MLPH: variants seen among roughly 807,000 people sequenced by gnomAD.
MLPH encodes exophilin-3.
A neutral mutation model predicts 72.1 loss-of-function variants in MLPH; 51 were observed. That is an observed-to-expected ratio of 0.71 (90% CI 0.56 to 0.89). MLPH has a LOEUF of 0.89. Ranked by LOEUF, MLPH falls within the 40% of genes least tolerant of loss-of-function variation. The probability of loss-of-function intolerance (pLI) is 0.00; values close to 1 mark genes in which losing one functional copy is unlikely to be tolerated. For synonymous variants in MLPH, 301 were observed against 310.1 expected, an observed-to-expected ratio of 0.97 and a Z score of 0.31; for missense variants, 743 against 759.9, an observed-to-expected ratio of 0.98 and a Z score of 0.26.
Position 237,525,587 on chromosome 2 carries a change from C to T in MLPH, c.676-14C>T, listed in dbSNP as rs1211727724. 1 of 1,613,630 alleles carries T rather than the reference C, an allele frequency of 6.2e-7. No homozygotes were observed. The highest frequency in any genetic ancestry group is 1.3e-5 in the African/African-American group (1 of 74,918). On this transcript the variant is annotated splice_polypyrimidine_tract_variant and intron_variant, in intron 6 of 15. Transcript: ENST00000264605. ...TAAACCCTGCAGAGGAGGCTGACAG[C>T]CCCATGTGCTTAGTCCCTCACAGAT... is the stretch of plus-strand genomic sequence containing the variant.
At chr2:237,518,905 G>T (rs1312552934) in intron 5 of MLPH, among the ~76,000 whole-genome samples, 1 of 152,194 alleles carries the variant, frequency 6.6e-6, no homozygotes, top group African/African-American at 2.4e-5. Flanking sequence ...TACTGAGTGT[G>T]TGGCCAGAGT....
At chr2:237,488,338 G>T (rs1367426180) in intron 1 of MLPH, among the ~76,000 whole-genome samples, 1 of 152,088 alleles carries the variant, frequency 6.6e-6, no homozygotes. Flanking sequence ...CAGTGACATT[G>T]ACACCCCGGG....
At chr2:237,499,477 T>C (rs1316463324) in intron 2 of MLPH, among the ~76,000 whole-genome samples, 1 of 152,122 alleles carries the variant, frequency 6.6e-6, no homozygotes, top group Non-Finnish European at 1.5e-5. Flanking sequence ...CTTAAAAGTA[T>C]GCTCACCTGT....
intron 2 of MLPH, among the ~76,000 whole-genome samples, chr2:237,500,717 A>G (rs1407061756): frequency 6.6e-6 from 1 of 152,082 alleles, no homozygotes; most frequent in Non-Finnish European, 1.5e-5. Flanking sequence ...TCTTGGATGC[A>G]GGCTGTTGCC....
Position 237,552,322 on chromosome 2 carries a change from C to T in MLPH, c.1676-15C>T, listed in dbSNP as rs548363338. On this transcript the variant is annotated splice_polypyrimidine_tract_variant and intron_variant, in intron 14 of 15. Coordinates refer to ENST00000264605, the MANE Select transcript of MLPH (RefSeq NM_024101.7). ...GATTGATAAAGCACCATCCCTCTTC[C>T]TGTTTTCCCCAAAGGTAAAGATGAT... The T allele has an allele frequency of 2.4e-5, 39 of 1,611,764 alleles. No homozygotes were observed. The South Asian group carries it at 3.7e-4, about 15-fold the overall frequency.
At chr2:237,491,896 A>G (rs2079435339) in intron 1 of MLPH, among the ~76,000 whole-genome samples, 1 of 152,194 alleles carries the variant, frequency 6.6e-6, no homozygotes, top group Admixed American at 6.5e-5. Context: ...GACAGGATGT[A>G]CAGGCCAAGG....
At chr2:237,553,241 A>G (rs978583026) in intron 15 of MLPH, 9 of 507,398 alleles carry the variant, frequency 1.8e-5, no homozygotes, top group Non-Finnish European at 2.7e-5. Context: ...GGTACTTTCC[A>G]TTTTCATCTG....
chr2:237,516,833 A>G (rs946568530), intron 4 of MLPH, among the ~76,000 whole-genome samples: 1 of 123,470 alleles, frequency 8.1e-6, no homozygotes, highest in Non-Finnish European at 1.7e-5. Flanking sequence ...GGATGGTAGG[A>G]TGGATGGATG....
intron 4 of MLPH, chr2:237,511,461 T>C: frequency 3.4e-6 from 1 of 298,036 alleles, no homozygotes; most frequent in Non-Finnish European, 6.5e-6. Context: ...CCCACTGGCC[T>C]GGTCTGAGCA....
At chr2:237,533,019 A>C (rs1463447905) in intron 8 of MLPH, among the ~76,000 whole-genome samples, 1 of 152,154 alleles carries the variant, frequency 6.6e-6, no homozygotes, top group Non-Finnish European at 1.5e-5. Flanking sequence ...AGTCCTTACC[A>C]ATGAGAGGAG....
chr2:237,540,686 T>TGACCAACCAGCTCCC, intron 10 of MLPH, 116 bp from the exon 11 acceptor site: 1 of 1,525,988 alleles, frequency 6.6e-7, no homozygotes, highest in Non-Finnish European at 8.9e-7. Flanking sequence ...GGCCGGCTCC[T>TGACCAACCAGCTCCC]GACCAACCAG....
intron 1 of MLPH, 45 bp from the exon 2 acceptor site, chr2:237,493,358 G>T: frequency 3.3e-6 from 4 of 1,230,452 alleles, no homozygotes; most frequent in South Asian, 1.2e-5. Context: ...GATTGGTATT[G>T]GTAGGCTTCT....
At chr2:237,499,639 C>T (rs925407180) in intron 2 of MLPH, among the ~76,000 whole-genome samples, 4 of 152,166 alleles carry the variant, frequency 2.6e-5, no homozygotes, top group Admixed American at 2.6e-4. Flanking sequence ...GGTTGCTCAG[C>T]ACCCAATGAA....
chr2:237,551,477 G>T (rs1451762472), intron 14 of MLPH, among the ~76,000 whole-genome samples: 1 of 152,234 alleles, frequency 6.6e-6, no homozygotes, highest in African/African-American at 2.4e-5. Context: ...GCTCTCAGGA[G>T]CCCTGACAAC....
intron 2 of MLPH, among the ~76,000 whole-genome samples, chr2:237,507,051 C>CTTTTTTTTTCT (rs2079789370): frequency 8.4e-6 from 1 of 119,382 alleles, no homozygotes; most frequent in African/African-American, 3.2e-5. Flanking sequence ...TTTCCTTTTT[C>CTTTTTTTTTCT]TTTTTTTTTT....
At chr2:237,532,999 A>C (rs2080454002) in intron 8 of MLPH, among the ~76,000 whole-genome samples, 1 of 152,160 alleles carries the variant, frequency 6.6e-6, no homozygotes, top group African/African-American at 2.4e-5. Flanking sequence ...TCTCAGCACA[A>C]ACCATCACCA....
At chr2:237,546,729 A>G (rs1344382110) in intron 13 of MLPH, 46 bp downstream of exon 13, 1 of 1,513,048 alleles carries the variant, frequency 6.6e-7, no homozygotes, top group Non-Finnish European at 9.2e-7. Flanking sequence ...CAAAGGTGGA[A>G]GACTGCACCC....
At position 237,554,335 on chromosome 2, in the gene MLPH, G is replaced by A. The variant is rs1270965720; in HGVS notation, c.*743G>A. On this transcript the variant is annotated 3_prime_UTR_variant, in exon 16 of 16. Coordinates refer to ENST00000264605, the MANE Select transcript of MLPH (RefSeq NM_024101.7). ...TCCAGATGGGCAAGGAAGAGGCTTG[G>A]TTCTAGCCTGGCTCTGCCCCTCACT... is the stretch of plus-strand genomic sequence containing the variant. The A allele has an allele frequency of 6.1e-6, 1 of 164,304 alleles. No homozygotes were observed. The highest frequency in any genetic ancestry group is 2.4e-5 in the African/African-American group (1 of 41,610). 10.2% of individuals were successfully genotyped at this position (164,304 alleles called of 1,614,324 possible). A position where few individuals can be genotyped will look rare whatever the true frequency, so the allele number is the denominator to read the frequency against.
chr2:237,540,273 C>G (rs878899206), intron 9 of MLPH, 75 bp from the exon 10 acceptor site: 7 of 1,542,006 alleles, frequency 4.5e-6, no homozygotes, highest in Non-Finnish European at 6.2e-6. Flanking sequence ...CCTGGCCCAT[C>G]TCCCAGAGCC....
Sources: gnomAD v4.1 joint callset for allele counts (sites outside exome capture counted in the v4.1 genomes callset) on GRCh38, gnomAD v4.1.1 for gene constraint, MANE v1.5 for transcripts, NCBI Gene and HGNC (gene_info 2026-07-23, HGNC 2026-07-21) for gene names.